ABAT: variants seen among roughly 807,000 people sequenced by gnomAD.
ABAT encodes the protein 4-aminobutyrate aminotransferase, mitochondrial.
A neutral mutation model predicts 64.6 loss-of-function variants in ABAT; 45 were observed. That is an observed-to-expected ratio of 0.70 (90% confidence interval 0.55 to 0.89). The LOEUF is 0.89. ABAT is among the 40% of genes least tolerant of loss of function. The probability of loss-of-function intolerance (pLI) is 0.00; values close to 1 mark genes in which losing one functional copy is unlikely to be tolerated. For synonymous variants in ABAT, 297 were observed against 250.5 expected (o/e 1.19, Z -1.75); for missense variants, 633 against 658.4 (o/e 0.96, Z 0.42).
chr16:8,761,816 C>G (rs1273398), intron 6 of ABAT, among the ~76,000 whole-genome samples: 1 of 151,992 alleles, frequency 6.6e-6, no homozygotes, highest in African/African-American at 2.4e-5. Flanking sequence ...CACCAAAGTC[C>G]CAAGAAGGGG....
intron 2 of ABAT, among the ~76,000 whole-genome samples, chr16:8,743,151 T>G (rs2059214503): frequency 6.6e-6 from 1 of 151,624 alleles, no homozygotes; most frequent in Non-Finnish European, 1.5e-5. Flanking sequence ...AGTATAGTGC[T>G]GTATTTTAAC....
rs1241281244 is a variant in ABAT at position 8,784,162 on chromosome 16, A to G, written c.*2732A>G. 6.5e-6 allele frequency: 1 copy of G among 152,674 alleles called. No homozygotes were observed. The highest frequency in any genetic ancestry group is 2.4e-5 in the African/African-American group (1 of 41,468). 9.5% of individuals were successfully genotyped at this position (152,674 alleles called of 1,614,324 possible). A position where few individuals can be genotyped will look rare whatever the true frequency, so the allele number is the denominator to read the frequency against. ...CAGTCTGGAAATGAATCCATCATAC[A>G]TTAGTGCCATAGAGTTTAGTAACCG... On this transcript the variant is annotated 3_prime_UTR_variant, in exon 16 of 16. Transcript: ENST00000268251.
chr16:8,679,733 G>A lies in ABAT; in HGVS notation c.-42+5022G>A, dbSNP rs111580361. On this transcript the variant is annotated intron_variant, in intron 1 of 15. Coordinates refer to ENST00000268251, the MANE Select transcript of ABAT (RefSeq NM_020686.6). ...ACAAAAGCCTCAGAAAGGACAGTGG[G>A]GGCTCCTGAGGCCCCAAGAATGCTT... 6.3e-3 allele frequency among the ~76,000 whole-genome samples: 957 copies of A among 152,024 alleles called. 8 individuals are homozygous for A. Among genetic ancestry groups the A allele is most frequent in the Non-Finnish European group, 9.2e-3 (624 of 67,998 alleles).
At chr16:8,690,364 G>A (rs2057552091) in intron 1 of ABAT, among the ~76,000 whole-genome samples, 1 of 152,202 alleles carries the variant, frequency 6.6e-6, no homozygotes, top group Non-Finnish European at 1.5e-5. Flanking sequence ...GTGGAGGCAT[G>A]ATTCCTACTC....
rs386384172 is a variant in ABAT at position 8,707,353 on chromosome 16, A to ATTTTTTTTTTTTTTTTTTT, written c.-41-28329_-41-28328insTTTTTTTTTTTTTTTTTTT. Among the ~76,000 whole-genome samples the ATTTTTTTTTTTTTTTTTTT allele has an allele frequency of 6.2e-4, 77 of 123,908 alleles. 3 individuals carry two copies. In the South Asian group the frequency reaches 0.014, roughly 22 times the overall value. 81.3% of individuals were successfully genotyped at this position (123,908 alleles called of 152,430 possible). A position where few individuals can be genotyped will look rare whatever the true frequency, so the allele number is the denominator to read the frequency against. ...AGGCACACACTACCATGCCAGGGTA[A>ATTTTTTTTTTTTTTTTTTT]TTTTTTTTTTTTTTTTTAGCGGAGA... On this transcript the variant is annotated intron_variant, in intron 1 of 15. Transcript: ENST00000268251.
intron 1 of ABAT, among the ~76,000 whole-genome samples, chr16:8,735,107 G>T (rs893070550): frequency 1.1e-4 from 16 of 149,444 alleles, no homozygotes; most frequent in Admixed American, 2.0e-4. Context: ...TCAGGAGGCT[G>T]AGGTTGCAGT....
chr16:8,675,279 G>T, intron 1 of ABAT, among the ~76,000 whole-genome samples: 1 of 151,982 alleles, frequency 6.6e-6, no homozygotes, highest in Non-Finnish European at 1.5e-5. Context: ...CCCTGCCGGA[G>T]ACCCCTCCCT....
intron 5 of ABAT, among the ~76,000 whole-genome samples, chr16:8,754,869 C>T (rs901015967): frequency 1.3e-5 from 2 of 152,006 alleles, no homozygotes; most frequent in South Asian, 2.1e-4. Context: ...CAGGCACCTG[C>T]CACCACGCTG....
chr16:8,733,036 C>CT (rs2058789308), intron 1 of ABAT, among the ~76,000 whole-genome samples: 1 of 140,508 alleles, frequency 7.1e-6, no homozygotes, highest in African/African-American at 2.9e-5. Flanking sequence ...CTGATCCCCC[C>CT]ACCTCCCTCC....
chr16:8,748,478 A>C (rs547884853), intron 4 of ABAT, among the ~76,000 whole-genome samples: 7 of 152,180 alleles, frequency 4.6e-5, no homozygotes, highest in Non-Finnish European at 7.4e-5. Context: ...AGAATATTCC[A>C]TATGTACTTG....
chr16:8,717,821 CT>C (rs113050215), intron 1 of ABAT, among the ~76,000 whole-genome samples: 3,307 of 147,664 alleles, frequency 0.022, 68 homozygotes, highest in African/African-American at 0.056. Flanking sequence ...CAAATCACCT[CT>C]TTTTTTTTTT....
intron 14 of ABAT, among the ~76,000 whole-genome samples, chr16:8,778,046 G>T (rs527369891): frequency 1.3e-5 from 2 of 152,278 alleles, no homozygotes; most frequent in Non-Finnish European, 2.9e-5. Flanking sequence ...CTACCAATGA[G>T]CTGCCGTGAA....
chr16:8,690,387 C>G (rs934505638), intron 1 of ABAT, among the ~76,000 whole-genome samples: 1 of 152,210 alleles, frequency 6.6e-6, no homozygotes, highest in African/African-American at 2.4e-5. Context: ...TGGATAAGAA[C>G]ACAGAAGCTT....
chr16:8,750,943 CT>C (rs71301327), intron 5 of ABAT, among the ~76,000 whole-genome samples: 12,523 of 109,632 alleles, frequency 0.11, 579 homozygotes, highest in Middle Eastern at 0.18. Context: ...TTTTTCCCTG[CT>C]TTTTTTTTTT....
At chr16:8,722,108 C>T (rs2058389075) in intron 1 of ABAT, among the ~76,000 whole-genome samples, 1 of 152,194 alleles carries the variant, frequency 6.6e-6, no homozygotes, top group African/African-American at 2.4e-5. Context: ...CATGTGATGC[C>T]AGCCTGCCTT....
At chr16:8,750,965 T>TTC (rs1555490206) in intron 5 of ABAT, among the ~76,000 whole-genome samples, 47 of 141,826 alleles carry the variant, frequency 3.3e-4, no homozygotes, top group Admixed American at 4.2e-4. Flanking sequence ...TTTTTTTTTT[T>TTC]CCAGACGAAG....
intron 1 of ABAT, among the ~76,000 whole-genome samples, chr16:8,695,736 T>A (rs2057687334): frequency 2.0e-5 from 3 of 152,182 alleles, no homozygotes; most frequent in South Asian, 2.1e-4. Context: ...ATTGGAGTGA[T>A]GTTAAGTCTG....
chr16:8,764,471 C>T lies in ABAT; in HGVS notation c.448-267C>T, dbSNP rs1391160868. Among the ~76,000 whole-genome samples, 3 of 152,182 alleles carry T rather than the reference C, an allele frequency of 2.0e-5. No homozygotes were observed. Among genetic ancestry groups the T allele is most frequent in the East Asian group, 1.9e-4 (1 of 5,186 alleles). On this transcript the variant is annotated intron_variant, in intron 7 of 15. Coordinates refer to ENST00000268251, the MANE Select transcript of ABAT (RefSeq NM_020686.6). This position sits in a 1 kb window ranked among gnomAD's most constrained non-coding sequence, Gnocchi z 4.2. Reference sequence around the variant, plus strand: ...GGGAGCCTCAACGTCCCGCCTGGAACGTGTAGGTGTCTTAGACAGTGGCAG... The same window carrying T: ...GGGAGCCTCAACGTCCCGCCTGGAATGTGTAGGTGTCTTAGACAGTGGCAG...
In ABAT at chr16:8,777,546, G is replaced by A. The variant is rs565197597; in HGVS notation, c.1269+1056G>A. Among the ~76,000 whole-genome samples the A allele has an allele frequency of 7.9e-5, 12 of 152,284 alleles. No homozygotes were observed. In the East Asian group the frequency reaches 1.5e-3, roughly 20 times the overall value. ...TAACACTTGATTAAGAGCTGGTCACGTGGTCACTCCTAACCGTAAGGACGT... is the reference window on the plus strand; with the variant it reads ...TAACACTTGATTAAGAGCTGGTCACATGGTCACTCCTAACCGTAAGGACGT... On this transcript the variant is annotated intron_variant, in intron 14 of 15. Transcript: ENST00000268251.
Sources: allele counts gnomAD v4.1 joint callset (sites outside exome capture counted in the v4.1 genomes callset), GRCh38; gene constraint gnomAD v4.1.1; non-coding constraint Gnocchi (gnomAD v3.1); transcripts MANE v1.5; gene names NCBI Gene and HGNC (gene_info 2026-07-23, HGNC 2026-07-21).